INSYN2A: variants seen among roughly 807,000 people sequenced by gnomAD.
INSYN2A encodes inhibitory synaptic factor 2A.
Under a neutral mutation model 39.4 loss-of-function variants are expected in INSYN2A, and 17 were observed. The ratio of observed to expected loss-of-function variants is 0.43; its 90% CI spans 0.30 to 0.65. INSYN2A has a LOEUF of 0.65. Ranked by LOEUF, INSYN2A falls within the 30% of genes least tolerant of loss-of-function variation. INSYN2A has a pLI of 0.14. For synonymous variants in INSYN2A, 255 were observed against 265.7 expected, an observed-to-expected ratio of 0.96 and a Z score of 0.39; for missense variants, 595 against 631.2, an observed-to-expected ratio of 0.94 and a Z score of 0.61.
Position 127,175,134 on chromosome 10 carries a change from A to G in INSYN2A, c.1184+78T>C. On this transcript the variant is annotated intron_variant, in intron 4 of 5. Transcript: ENST00000522781. The surrounding 1 kb of genome is among the most constrained non-coding windows in gnomAD (Gnocchi z 6.3). ...AATGCTGGCTTTAGTCTCATTACAG[A>G]CTTGGGTTTGGGGCTACAGATGGAC... 4.0e-6 allele frequency: 5 copies of G among 1,253,358 alleles called. No individual in the cohort carries two copies. The highest frequency in any genetic ancestry group is 5.7e-6 in the Non-Finnish European group (5 of 883,766). 77.6% of individuals were successfully genotyped at this position (1,253,358 alleles called of 1,614,324 possible).
At chr10:127,151,799 C>T (rs369035430) in intron 5 of INSYN2A, among the ~76,000 whole-genome samples, 1 of 152,296 alleles carries the variant, frequency 6.6e-6, no homozygotes, top group East Asian at 1.9e-4. Context: ...GTTCTTCTAG[C>T]AAGTGGACCA....
chr10:127,179,491 G>A (rs2055512131), intron 2 of INSYN2A, among the ~76,000 whole-genome samples: 1 of 152,196 alleles, frequency 6.6e-6, no homozygotes, highest in South Asian at 2.1e-4. Flanking sequence ...AGGAATTTTT[G>A]TGGCTGGTTT....
intron 2 of INSYN2A, among the ~76,000 whole-genome samples, chr10:127,190,949 A>G (rs1371836718): frequency 2.0e-5 from 3 of 151,848 alleles, no homozygotes; most frequent in Non-Finnish European, 4.4e-5. Context: ...CTGAGAATAT[A>G]TGTTCTTGTT....
At chr10:127,180,904 C>T (rs752697824) in intron 2 of INSYN2A, among the ~76,000 whole-genome samples, 7 of 152,124 alleles carry the variant, frequency 4.6e-5, no homozygotes, top group Non-Finnish European at 7.4e-5. Context: ...ATAGCACATT[C>T]GGAGAGATTT....
At chr10:127,174,664 G>A (rs2133880624) in intron 4 of INSYN2A, among the ~76,000 whole-genome samples, 1 of 152,282 alleles carries the variant, frequency 6.6e-6, no homozygotes, top group East Asian at 1.9e-4. Context: ...GCTTCTTTGG[G>A]TTCCAGGTAC....
intron 2 of INSYN2A, among the ~76,000 whole-genome samples, chr10:127,182,017 T>A (rs2055783970): frequency 1.3e-5 from 2 of 152,008 alleles, no homozygotes; most frequent in Non-Finnish European, 2.9e-5. Context: ...CAAAAAGGGG[T>A]GACTGGATGA....
intron 4 of INSYN2A, among the ~76,000 whole-genome samples, chr10:127,157,526 T>C (rs1273051819): frequency 2.0e-5 from 3 of 152,270 alleles, no homozygotes; most frequent in Admixed American, 2.0e-4. Context: ...TCATTTTCAC[T>C]CAATTTTCTT....
chr10:127,159,907 C>G (rs1409891880), intron 4 of INSYN2A, among the ~76,000 whole-genome samples: 1 of 152,152 alleles, frequency 6.6e-6, no homozygotes, highest in Non-Finnish European at 1.5e-5. Context: ...TGGACGGCAT[C>G]TGCTCTTTCA....
At chr10:127,144,778 G>A (rs1352563057) in intron 5 of INSYN2A, among the ~76,000 whole-genome samples, 3 of 152,006 alleles carry the variant, frequency 2.0e-5, no homozygotes, top group African/African-American at 7.3e-5. Context: ...CCGTAACTTT[G>A]TATCCTTCCT....
chr10:127,156,439 A>G (rs2053053214), intron 4 of INSYN2A, among the ~76,000 whole-genome samples: 1 of 152,294 alleles, frequency 6.6e-6, no homozygotes, highest in African/African-American at 2.4e-5. Flanking sequence ...GGCACCTGAA[A>G]TGTACAAGAG....
In INSYN2A at chr10:127,176,647, A is replaced by G. The variant is rs919607048; in HGVS notation, c.-6+230T>C. Among the ~76,000 whole-genome samples the G allele has an allele frequency of 7.9e-5, 12 of 152,192 alleles. No homozygotes were observed. The highest frequency in any genetic ancestry group is 5.2e-4 in the Admixed American group (8 of 15,280). ...GGGATACACTCGCTTTCCTTTTGAC[A>G]GTAATGCATGTTTCCCCATTAGACA... On this transcript the variant is annotated intron_variant, in intron 3 of 5. Transcript: ENST00000522781. The surrounding 1 kb of genome is among the most constrained non-coding windows in gnomAD (Gnocchi z 4.4).
rs769661665 is a variant in INSYN2A, at chr10:127,175,685, G to A, written c.711C>T (p.Ser237=). The change falls in exon 4 of 6, where the codon TCC becomes TCT. Residue 237 remains serine, a synonymous_variant. Transcript: ENST00000522781. This position sits in a 1 kb window ranked among gnomAD's most constrained non-coding sequence, Gnocchi z 6.3. ...RAKQDRGRPN[S]EEPAPPALRR... ...TGAGGGCAGGTGGAGCGGGCTCCTC[G>A]GAGTTTGGCCTCCCCCGGTCCTGCT... is the stretch of plus-strand genomic sequence containing the variant. 12 of 1,613,662 alleles carry A rather than the reference G, an allele frequency of 7.4e-6. No homozygotes were observed. The highest frequency in any genetic ancestry group is 4.5e-5 in the East Asian group (2 of 44,870).
At chr10:127,189,921 C>T (rs1222025877) in intron 2 of INSYN2A, among the ~76,000 whole-genome samples, 1 of 152,158 alleles carries the variant, frequency 6.6e-6, no homozygotes, top group East Asian at 1.9e-4. Flanking sequence ...GAAGTCACGA[C>T]GTCAAATTGA....
chr10:127,179,363 G>A (rs912551896), intron 2 of INSYN2A, among the ~76,000 whole-genome samples: 3 of 152,048 alleles, frequency 2.0e-5, no homozygotes, highest in African/African-American at 4.8e-5. Context: ...AAATCATTTC[G>A]TTGTTAGTAA....
intron 2 of INSYN2A, among the ~76,000 whole-genome samples, chr10:127,190,965 C>T (rs562071820): frequency 4.6e-5 from 7 of 152,218 alleles, no homozygotes; most frequent in Admixed American, 3.9e-4. Flanking sequence ...TTGTTTCAAA[C>T]ATCAACAGAG....
chr10:127,193,081 A>G (rs978332497), intron 1 of INSYN2A, among the ~76,000 whole-genome samples: 1 of 152,206 alleles, frequency 6.6e-6, no homozygotes, highest in Admixed American at 6.5e-5. Context: ...AAGTCACCCC[A>G]TAATGTTATG....
At chr10:127,173,890 A>G (rs1041718326) in intron 4 of INSYN2A, among the ~76,000 whole-genome samples, 1 of 152,180 alleles carries the variant, frequency 6.6e-6, no homozygotes, top group African/African-American at 2.4e-5. Flanking sequence ...ATTTTTGTAC[A>G]TTTGGCTGGC....
intron 5 of INSYN2A, among the ~76,000 whole-genome samples, chr10:127,138,947 C>A (rs1403232092): frequency 6.6e-6 from 1 of 152,134 alleles, no homozygotes; most frequent in African/African-American, 2.4e-5. Context: ...TGGGATAGGA[C>A]CCCCGGTCCA....
chr10:127,188,149 A>C (rs2056448419), intron 2 of INSYN2A, among the ~76,000 whole-genome samples: 1 of 152,174 alleles, frequency 6.6e-6, no homozygotes, highest in Non-Finnish European at 1.5e-5. Context: ...TGGGATGATC[A>C]CCAGCAGATC....
Sources: allele counts gnomAD v4.1 joint callset (sites outside exome capture counted in the v4.1 genomes callset), GRCh38; gene constraint gnomAD v4.1.1; non-coding constraint Gnocchi (gnomAD v3.1); transcripts MANE v1.5; gene names NCBI Gene and HGNC (gene_info 2026-07-23, HGNC 2026-07-21).